The following OR10G3 variants were observed in gnomAD, a reference collection of about 807,000 sequenced individuals.
OR10G3 encodes olfactory receptor family 10 subfamily G member 3.
A neutral mutation model predicts 13.4 loss-of-function variants in OR10G3; 8 were observed. That is an observed-to-expected ratio of 0.60 (90% CI 0.35 to 1.08). The LOEUF (loss-of-function observed/expected upper bound fraction) is 1.08, where lower values mean the gene tolerates loss of function less well. OR10G3 is among the 50% of genes least tolerant of loss of function. The probability of loss-of-function intolerance (pLI) is 0.02; values close to 1 mark genes in which losing one functional copy is unlikely to be tolerated. For synonymous variants in OR10G3, 142 were observed against 156.1 expected, an observed-to-expected ratio of 0.91 and a Z score of 0.67; for missense variants, 393 against 386.6, an observed-to-expected ratio of 1.02 and a Z score of -0.14.
rs1372684036 is a variant in OR10G3, at chr14:21,574,030, G to A, written c.-17-3269C>T. On this transcript the variant is annotated intron_variant, in intron 1 of 1. Coordinates refer to ENST00000641040, the MANE Select transcript of OR10G3 (RefSeq NM_001005465.2). Reference sequence around the variant, plus strand: ...TTGAAATTGATTGATTTGGCTGGGCGCGGTGGCTGACGCCTGTAATCCCAG... The same window carrying A: ...TTGAAATTGATTGATTTGGCTGGGCACGGTGGCTGACGCCTGTAATCCCAG... 3.9e-5 allele frequency among the ~76,000 whole-genome samples: 6 copies of A among 152,058 alleles called. No homozygotes were observed. In the South Asian group the frequency reaches 8.3e-4, roughly 21 times the overall value.
Sources: gnomAD v4.1 joint callset for allele counts (sites outside exome capture counted in the v4.1 genomes callset) on GRCh38, gnomAD v4.1.1 for gene constraint, MANE v1.5 for transcripts, NCBI Gene and HGNC (gene_info 2026-07-23, HGNC 2026-07-21) for gene names.